HOXD10: variants seen among roughly 807,000 people sequenced by gnomAD.
HOXD10 encodes homeobox D10.
A neutral mutation model predicts 27.0 loss-of-function variants in HOXD10; 15 were observed. The ratio of observed to expected loss-of-function variants is 0.56; its 90% CI spans 0.37 to 0.85. The LOEUF (loss-of-function observed/expected upper bound fraction) is 0.85, where lower values mean the gene tolerates loss of function less well. Among genes scored for constraint, HOXD10 ranks in the 40% least tolerant of loss-of-function variants. The pLI is 0.00. For missense variants in HOXD10, 440 were observed against 430.4 expected (o/e 1.02, Z -0.20); for synonymous variants, 178 against 160.9 (o/e 1.11, Z -0.80).
At position 176,118,887 on chromosome 2, in the gene HOXD10, CA is replaced by C. The variant is rs1559118282; in HGVS notation, c.746-62del. 5.9e-5 allele frequency: 84 copies of C among 1,433,480 alleles called. No individual in the cohort carries two copies. In the African/African-American group the frequency reaches 8.3e-4, roughly 14 times the overall value. The allele number at this position is 1,433,480 out of a possible 1,614,324, so 88.8% of individuals were successfully genotyped here. On this transcript the variant is annotated intron_variant, in intron 1 of 1. Transcript: ENST00000249501. The stretch of plus-strand genomic sequence containing the variant: ...ACCAAAACCAAAACCAAAACAAAAA[CA>C]AAAACAAAAACAAACAAACAAAAAA...
At position 176,117,449 on chromosome 2, in the gene HOXD10, AG is replaced by A; in HGVS notation, c.617del (p.Ser206ThrfsTer76). 6.2e-7 allele frequency: 1 copy of A among 1,613,128 alleles called. No individual in the cohort carries two copies. The highest frequency in any genetic ancestry group is 1.1e-5 in the South Asian group (1 of 91,090). ...QMEKKMNEPV[S>X]GQEPTKVSQV... ...GGAAAAGAAGATGAACGAGCCCGTG[AG>A]CGGCCAGGAGCCCACCAAAGTCTCC... is the stretch of plus-strand genomic sequence containing the variant. On this transcript the variant is annotated frameshift_variant, in exon 1 of 2. Transcript: ENST00000249501. LOFTEE classifies it high-confidence loss of function.
At position 176,117,082 on chromosome 2, in the gene HOXD10, T is replaced by C. The variant is rs1299561208; in HGVS notation, c.249T>C (p.Asp83=). The C allele has an allele frequency of 5.0e-6, 8 of 1,614,158 alleles. No individual in the cohort carries two copies. In the South Asian group the frequency reaches 8.8e-5, roughly 18 times the overall value. The change falls in exon 1 of 2, where the codon GAT becomes GAC. Residue 83 remains aspartate, a synonymous_variant. Transcript: ENST00000249501. ...TACCTCAAGTAGACAGTTGGACAGATCCGAACAGATCTTGTCGAATAGAGC... is the reference window on the plus strand; with the variant it reads ...TACCTCAAGTAGACAGTTGGACAGACCCGAACAGATCTTGTCGAATAGAGC... ...PYIPQVDSWT[D]PNRSCRIEQP... is the part of the protein sequence containing the mutation.
rs1689764682 is a variant in HOXD10, at chr2:176,116,865, A to G, written c.32A>G (p.Asn11Ser). The G allele has an allele frequency of 1.9e-6, 3 of 1,614,110 alleles. No individual in the cohort carries two copies. The South Asian group carries it at 3.3e-5, about 18-fold the overall frequency. The change falls in exon 1 of 2, where the codon AAT (asparagine) becomes AGT (serine). Residue 11 changes from asparagine to serine, a missense_variant. Asn to Ser is a conservative substitution (Grantham distance 46). Transcript: ENST00000249501. ...TTTCCCAACAGCTCTCCTGCTGCTA[A>G]TACTTTTTTAGTAGATTCCTTGATC... Reference protein sequence around the residue: MSFPNSSPAANTFLVDSLISA... With the variant: MSFPNSSPAASTFLVDSLISA...
rs1469442576 is a variant in HOXD10 at position 176,119,275 on chromosome 2, G to A, written c.*44G>A. On this transcript the variant is annotated 3_prime_UTR_variant, in exon 2 of 2. Transcript: ENST00000249501. ...GCCGGTCAGAGGCCAGGATTGGAGA[G>A]GGGGCACCGCGTTCCAGGGCCCAGT... is the stretch of plus-strand genomic sequence containing the variant. The A allele has an allele frequency of 3.1e-6, 5 of 1,601,684 alleles. No homozygotes were observed. Among genetic ancestry groups the A allele is most frequent in the Non-Finnish European group, 4.3e-6 (5 of 1,172,718 alleles).
rs148563899 is a variant in HOXD10, at chr2:176,117,452, G to C, written c.619G>C (p.Gly207Arg). 5 of 1,613,122 alleles carry C rather than the reference G, an allele frequency of 3.1e-6. No homozygotes were observed. The highest frequency in any genetic ancestry group is 4.5e-5 in the East Asian group (2 of 44,882). The change falls in exon 1 of 2, where the codon GGC becomes CGC. Residue 207 changes from glycine (G) to arginine (R), a missense_variant. By Grantham distance (125) the Gly-to-Arg change is moderately radical. Transcript: ENST00000249501. ...AAAGAAGATGAACGAGCCCGTGAGC[G>C]GCCAGGAGCCCACCAAAGTCTCCCA... ...MEKKMNEPVS[G>R]QEPTKVSQVE...
rs1237889791 is a variant in HOXD10 at position 176,119,036 on chromosome 2, C to A, written c.828C>A (p.His276Gln). The change falls in exon 2 of 2, where the codon CAC becomes CAA. Residue 276 changes from histidine to glutamine, a missense_variant. Physicochemically the swap from His to Gln is conservative, Grantham distance 24. Coordinates refer to ENST00000249501, the MANE Select transcript of HOXD10 (RefSeq NM_002148.4). ...GRKKRCPYTK[H>Q]QTLELEKEFL... is the part of the protein sequence containing the mutation. The stretch of plus-strand genomic sequence containing the variant: ...AGAAGAGGTGCCCTTACACTAAGCA[C>A]CAAACGCTGGAATTAGAAAAAGAGT... 6.2e-7 allele frequency: 1 copy of A among 1,614,004 alleles called. No individual in the cohort carries two copies. The highest frequency in any genetic ancestry group is 1.7e-5 in the Admixed American group (1 of 60,030).
At position 176,119,210 on chromosome 2, in the gene HOXD10, C is replaced by A. The variant is rs771690204; in HGVS notation, c.1002C>A (p.Thr334=). 19 of 1,613,564 alleles carry A rather than the reference C, an allele frequency of 1.2e-5. No homozygotes were observed. The East Asian group carries it at 3.8e-4, about 32-fold the overall frequency. The change falls in exon 2 of 2, where the codon ACC becomes ACA. Residue 334 remains threonine, a synonymous_variant. Coordinates refer to ENST00000249501, the MANE Select transcript of HOXD10 (RefSeq NM_002148.4). ...MSRENRIREL[T]ANLTFS ...GAGAGAACCGGATCCGAGAACTGAC[C>A]GCCAACCTCACGTTTTCTTAGGTCT... is the stretch of plus-strand genomic sequence containing the variant.
rs1181327029 is a variant in HOXD10, at chr2:176,119,048, A to G, written c.840A>G (p.Glu280=). ...CTTACACTAAGCACCAAACGCTGGA[A>G]TTAGAAAAAGAGTTCTTGTTCAATA... ...RCPYTKHQTL[E]LEKEFLFNMY... Residue 280 remains glutamate (E), a synonymous_variant, in exon 2 of 2, where the codon GAA becomes GAG. Transcript: ENST00000249501. 2 of 1,614,142 alleles carry G rather than the reference A, an allele frequency of 1.2e-6. No homozygotes were observed. The highest frequency in any genetic ancestry group is 1.7e-6 in the Non-Finnish European group (2 of 1,180,032).
chr2:176,119,400 A>G lies in HOXD10; in HGVS notation c.*169A>G. On this transcript the variant is annotated 3_prime_UTR_variant, in exon 2 of 2. Coordinates refer to ENST00000249501, the MANE Select transcript of HOXD10 (RefSeq NM_002148.4). The stretch of plus-strand genomic sequence containing the variant: ...GCTAGAATGTGACTTTGGGGTCATT[A>G]TGTTCGTGCTGCAAGTGATCTGTAA... The G allele has an allele frequency of 3.3e-6, 2 of 597,236 alleles. No homozygotes were observed. The highest frequency in any genetic ancestry group is 6.0e-6 in the Non-Finnish European group (2 of 334,318). The allele number at this position is 597,236 out of a possible 1,614,324, so 37.0% of individuals were successfully genotyped here. A position where few individuals can be genotyped will look rare whatever the true frequency, so the allele number is the denominator to read the frequency against.
In HOXD10 at chr2:176,119,415, G is replaced by A. The variant is rs2105395461; in HGVS notation, c.*184G>A. 2 of 495,462 alleles carry A rather than the reference G, an allele frequency of 4.0e-6. No individual in the cohort carries two copies. The highest frequency in any genetic ancestry group is 2.5e-5 in the African/African-American group (1 of 40,158). 30.7% of individuals were successfully genotyped at this position (495,462 alleles called of 1,614,324 possible). ...TGGGGTCATTATGTTCGTGCTGCAA[G>A]TGATCTGTAATCCCTATGAGTATAT... On this transcript the variant is annotated 3_prime_UTR_variant, in exon 2 of 2. Coordinates refer to ENST00000249501, the MANE Select transcript of HOXD10 (RefSeq NM_002148.4).
rs1346414540 is a variant in HOXD10, at chr2:176,117,645, C to T, written c.745+67C>T. 8 of 1,573,670 alleles carry T rather than the reference C, an allele frequency of 5.1e-6. No individual in the cohort carries two copies. The African/African-American group carries it at 5.4e-5, about 11-fold the overall frequency. ...CCGGGAACCCGGCAGAGAGGGAGTGCCGGGGTGCCCAGCGCCGAGCCGGAG... is the reference window on the plus strand; with the variant it reads ...CCGGGAACCCGGCAGAGAGGGAGTGTCGGGGTGCCCAGCGCCGAGCCGGAG... On this transcript the variant is annotated intron_variant, in intron 1 of 1. Coordinates refer to ENST00000249501, the MANE Select transcript of HOXD10 (RefSeq NM_002148.4).
At position 176,119,464 on chromosome 2, in the gene HOXD10, T is replaced by TATATATATATATATATAAAA. The variant is rs886055159; in HGVS notation, c.*234_*235insTATATATATATATATAAAAA. On this transcript the variant is annotated 3_prime_UTR_variant, in exon 2 of 2. Coordinates refer to ENST00000249501, the MANE Select transcript of HOXD10 (RefSeq NM_002148.4). ...ATATATATATATATATATATATATA[T>TATATATATATATATATAAAA]AAAAACTTAGCACGTGTAATTTATT... The TATATATATATATATATAAAA allele has an allele frequency of 2.7e-5, 4 of 145,750 alleles. No homozygotes were observed. Among genetic ancestry groups the TATATATATATATATATAAAA allele is most frequent in the Admixed American group, 1.4e-4 (2 of 14,302 alleles). 9.0% of individuals were successfully genotyped at this position (145,750 alleles called of 1,614,324 possible). A position where few individuals can be genotyped will look rare whatever the true frequency, so the allele number is the denominator to read the frequency against.
Position 176,118,876 on chromosome 2 carries a change from C to A in HOXD10, c.746-78C>A, listed in dbSNP as rs73974643. On this transcript the variant is annotated intron_variant, in intron 1 of 1. Transcript: ENST00000249501. ...CAAAAACGAAAACCAAAACCAAAAC[C>A]AAAACAAAAACAAAAACAAAAACAA... 949 of 974,232 alleles carry A rather than the reference C, an allele frequency of 9.7e-4. 5 individuals are homozygous for A. In the African/African-American group the frequency reaches 0.013, roughly 14 times the overall value. 60.3% of individuals were successfully genotyped at this position (974,232 alleles called of 1,614,324 possible). A position where few individuals can be genotyped will look rare whatever the true frequency, so the allele number is the denominator to read the frequency against.
chr2:176,117,621 C>CG, intron 1 of HOXD10, 43 bp downstream of exon 1: 1 of 1,607,418 alleles, frequency 6.2e-7, no homozygotes, highest in Non-Finnish European at 8.5e-7. Context: ...GCGCGCAGCC[C>CG]GGGAACCCGG....
rs1689835415 is a variant in HOXD10 at position 176,119,668 on chromosome 2, A to T, written c.*437A>T. On this transcript the variant is annotated 3_prime_UTR_variant, in exon 2 of 2. Coordinates refer to ENST00000249501, the MANE Select transcript of HOXD10 (RefSeq NM_002148.4). Reference sequence around the variant, plus strand: ...CATGAACTCATGGCATTTTGAATACATCCAGTACTTTAAAAATGACATATA... The same window carrying T: ...CATGAACTCATGGCATTTTGAATACTTCCAGTACTTTAAAAATGACATATA... 5 of 151,944 alleles carry T rather than the reference A, an allele frequency of 3.3e-5. No individual in the cohort carries two copies. The South Asian group carries it at 1.0e-3, about 32-fold the overall frequency. The allele number at this position is 151,944 out of a possible 1,614,324, so 9.4% of individuals were successfully genotyped here. A position where few individuals can be genotyped will look rare whatever the true frequency, so the allele number is the denominator to read the frequency against.
rs1689772134 is a variant in HOXD10 at position 176,117,242 on chromosome 2, G to A, written c.409G>A (p.Glu137Lys). 6.2e-7 allele frequency: 1 copy of A among 1,611,378 alleles called. No individual in the cohort carries two copies. Among genetic ancestry groups the A allele is most frequent in the Non-Finnish European group, 8.5e-7 (1 of 1,177,820 alleles). The change falls in exon 1 of 2, where the codon GAG becomes AAG. Residue 137 changes from glutamate (E) to lysine (K), a missense_variant. Coordinates refer to ENST00000249501, the MANE Select transcript of HOXD10 (RefSeq NM_002148.4). Reference protein sequence around the residue: ...EVPSYQRLVPESCPVENPEVP... With the variant: ...EVPSYQRLVPKSCPVENPEVP... ...CCCTTCGTACCAGAGGCTGGTCCCT[G>A]AGTCTTGTCCCGTTGAGAACCCTGA...
chr2:176,116,931 G>C lies in HOXD10; in HGVS notation c.98G>C (p.Ser33Thr). ...GACAGTTTTTATTCCAGCAGCGCCA[G>C]CATGTACATGCCACCACCTAGCGCA... ...RSDSFYSSSA[S>T]MYMPPPSADM... Residue 33 changes from serine to threonine, a missense_variant, in exon 1 of 2, where the codon AGC becomes ACC. By Grantham distance (58) the Ser-to-Thr change is moderately conservative. Coordinates refer to ENST00000249501, the MANE Select transcript of HOXD10 (RefSeq NM_002148.4). The C allele has an allele frequency of 6.2e-7, 1 of 1,614,162 alleles. No individual in the cohort carries two copies. The highest frequency in any genetic ancestry group is 1.3e-5 in the African/African-American group (1 of 75,058).
At chr2:176,118,173 G>C (rs1347633793) in intron 1 of HOXD10, among the ~76,000 whole-genome samples, 1 of 152,222 alleles carries the variant, frequency 6.6e-6, no homozygotes, top group Non-Finnish European at 1.5e-5. Context: ...CGGAGGGGGA[G>C]AGTGGAACCC....
chr2:176,117,747 G>C (rs1689787182), intron 1 of HOXD10, among the ~76,000 whole-genome samples, 169 bp downstream of exon 1: 1 of 152,256 alleles, frequency 6.6e-6, no homozygotes, highest in East Asian at 1.9e-4. Context: ...CTTCTCCCCT[G>C]CTGCCCTGGC....
Sources: gnomAD v4.1 joint callset for allele counts (sites outside exome capture counted in the v4.1 genomes callset) on GRCh38, gnomAD v4.1.1 for gene constraint, MANE v1.5 for transcripts, NCBI Gene and HGNC (gene_info 2026-07-23, HGNC 2026-07-21) for gene names.